The following XRCC4 variants were observed in gnomAD, a reference collection of about 807,000 sequenced individuals.
XRCC4 encodes the protein X-ray repair cross complementing 4, also known as DNA repair protein XRCC4.
A neutral mutation model predicts 39.1 loss-of-function variants in XRCC4; 28 were observed. The observed-to-expected ratio is 0.72, with a 90% CI of 0.53 to 0.98. XRCC4 has a LOEUF of 0.98. Ranked by LOEUF, XRCC4 falls within the 50% of genes least tolerant of loss-of-function variation. The pLI is 0.00. For missense variants in XRCC4, 350 were observed against 376.4 expected (o/e 0.93, Z 0.58); for synonymous variants, 123 against 126.4 (o/e 0.97, Z 0.18).
At chr5:83,134,285 G>T (rs1285465533) in intron 3 of XRCC4, among the ~76,000 whole-genome samples, 1 of 152,166 alleles carries the variant, frequency 6.6e-6, no homozygotes, top group Non-Finnish European at 1.5e-5. Context: ...TCTGGGATGG[G>T]TGGGGACTTG....
intron 6 of XRCC4, among the ~76,000 whole-genome samples, chr5:83,216,933 C>T (rs891329675): frequency 3.9e-5 from 6 of 151,926 alleles, no homozygotes; most frequent in Admixed American, 2.0e-4. Context: ...GAATTGTACA[C>T]TTATACTGGG....
intron 7 of XRCC4, among the ~76,000 whole-genome samples, chr5:83,263,925 C>T (rs1753859370): frequency 6.6e-6 from 1 of 151,904 alleles, no homozygotes; most frequent in Non-Finnish European, 1.5e-5. Context: ...TTGCCCATGC[C>T]TATGTCCTGA....
At chr5:83,124,576 G>C (rs935007395) in intron 3 of XRCC4, among the ~76,000 whole-genome samples, 11 of 152,088 alleles carry the variant, frequency 7.2e-5, no homozygotes, top group African/African-American at 2.7e-4. Context: ...CTATTAGAAA[G>C]CTGCTTTGGA....
intron 6 of XRCC4, among the ~76,000 whole-genome samples, chr5:83,208,528 A>G (rs941792454): frequency 2.6e-5 from 4 of 152,010 alleles, no homozygotes; most frequent in African/African-American, 9.7e-5. Context: ...TTACATTTTT[A>G]TGAATACGCA....
intron 7 of XRCC4, among the ~76,000 whole-genome samples, chr5:83,270,565 G>A (rs1754105727): frequency 6.6e-6 from 1 of 151,730 alleles, no homozygotes; most frequent in Non-Finnish European, 1.5e-5. Flanking sequence ...TCCACATAGT[G>A]AACTTCTGAA....
In XRCC4 at chr5:83,339,437, AC is replaced by A. The variant is rs1361366696; in HGVS notation, c.894-13693del. Among the ~76,000 whole-genome samples the A allele has an allele frequency of 3.3e-5, 5 of 150,600 alleles. No individual in the cohort carries two copies. The East Asian group carries it at 1.0e-3, about 30-fold the overall frequency. ...GGAGTTGAACAATGGGAACACATGGACGCAGGGAGGGGAACATCACACACCA... is the reference window on the plus strand; with the variant it reads ...GGAGTTGAACAATGGGAACACATGGAGCAGGGAGGGGAACATCACACACCA... On this transcript the variant is annotated intron_variant, in intron 7 of 7. Transcript: ENST00000396027.
At chr5:83,206,203 G>C (rs1017135256) in intron 6 of XRCC4, among the ~76,000 whole-genome samples, 1 of 152,092 alleles carries the variant, frequency 6.6e-6, no homozygotes, top group African/African-American at 2.4e-5. Context: ...ATTGTGTTAA[G>C]AATAGACTAT....
intron 3 of XRCC4, among the ~76,000 whole-genome samples, chr5:83,191,988 G>C (rs1750717024): frequency 6.6e-6 from 1 of 152,044 alleles, no homozygotes. Flanking sequence ...GACTTGAAGG[G>C]TTGACAAAAA....
chr5:83,337,902 G>A (rs1008998503), intron 7 of XRCC4, among the ~76,000 whole-genome samples: 8 of 152,134 alleles, frequency 5.3e-5, no homozygotes, highest in Non-Finnish European at 1.0e-4. Context: ...GCAAGATGAT[G>A]ACCTTCTCTC....
chr5:83,237,944 T>C (rs544451447), intron 6 of XRCC4, among the ~76,000 whole-genome samples: 2 of 152,276 alleles, frequency 1.3e-5, no homozygotes, highest in South Asian at 4.1e-4. Context: ...AAATAAAATA[T>C]GGTGATAGTA....
At chr5:83,300,327 A>G (rs1210342617) in intron 7 of XRCC4, among the ~76,000 whole-genome samples, 9 of 152,218 alleles carry the variant, frequency 5.9e-5, no homozygotes, top group Middle Eastern at 3.4e-3. Flanking sequence ...AAGTGTATGT[A>G]TGTTCTCTTT....
At position 83,256,068 on chromosome 5, in the gene XRCC4, A is replaced by G. The variant is rs560021729; in HGVS notation, c.746-2462A>G. Among the ~76,000 whole-genome samples the G allele has an allele frequency of 2.1e-4, 32 of 152,316 alleles. No individual in the cohort carries two copies. In the South Asian group the frequency reaches 5.8e-3, roughly 28 times the overall value. Reference sequence around the variant, plus strand: ...TAGTTTACATGCTTTGTTTTTATCAATAGGCATGCATTTTGTCATTCAGTA... The same window carrying G: ...TAGTTTACATGCTTTGTTTTTATCAGTAGGCATGCATTTTGTCATTCAGTA... On this transcript the variant is annotated intron_variant, in intron 6 of 7. Coordinates refer to ENST00000396027, the MANE Select transcript of XRCC4 (RefSeq NM_003401.5).
chr5:83,123,936 G>A (rs1219745876), intron 3 of XRCC4, among the ~76,000 whole-genome samples: 1 of 151,784 alleles, frequency 6.6e-6, no homozygotes, highest in African/African-American at 2.4e-5. Flanking sequence ...TTTTCATTTT[G>A]AAATAACTTT....
At chr5:83,165,338 AT>A (rs1365798186) in intron 3 of XRCC4, among the ~76,000 whole-genome samples, 2 of 152,140 alleles carry the variant, frequency 1.3e-5, no homozygotes, top group Non-Finnish European at 2.9e-5. Flanking sequence ...TATATTATAG[AT>A]ACAATTCCAA....
chr5:83,355,952 A>G (rs1228618542), downstream of XRCC4, among the ~76,000 whole-genome samples: 2 of 152,298 alleles, frequency 1.3e-5, no homozygotes, highest in South Asian at 2.1e-4. Flanking sequence ...TTGACAGTAG[A>G]GAGAGAATAA....
intron 6 of XRCC4, among the ~76,000 whole-genome samples, chr5:83,238,645 A>G (rs1408673208): frequency 6.6e-6 from 1 of 152,184 alleles, no homozygotes; most frequent in African/African-American, 2.4e-5. Context: ...AATAATTTGT[A>G]TATGTAAGTA....
intron 1 of XRCC4, among the ~76,000 whole-genome samples, chr5:83,100,015 G>T (rs534607885): frequency 2.4e-4 from 37 of 152,094 alleles, no homozygotes; most frequent in Non-Finnish European, 4.6e-4. Context: ...TTGTAAGACG[G>T]TGATCTCAGT....
chr5:83,130,271 TA>T (rs2112476656), intron 3 of XRCC4, among the ~76,000 whole-genome samples: 1 of 152,326 alleles, frequency 6.6e-6, no homozygotes, highest in South Asian at 2.1e-4. Context: ...GGATCACTTT[TA>T]TTGATTTGCA....
chr5:83,205,012 G>C (rs1031699817), intron 6 of XRCC4, 91 bp downstream of exon 6: 15 of 859,876 alleles, frequency 1.7e-5, no homozygotes, highest in South Asian at 2.0e-5. Context: ...AAAATGTTGT[G>C]AAAGACCTTA....
Sources: gnomAD v4.1 joint callset for allele counts (sites outside exome capture counted in the v4.1 genomes callset) on GRCh38, gnomAD v4.1.1 for gene constraint, MANE v1.5 for transcripts, NCBI Gene and HGNC (gene_info 2026-07-23, HGNC 2026-07-21) for gene names.